Variants in DENND2C observed in about 807,000 individuals in gnomAD.
DENND2C encodes the protein DENN domain containing 2C.
Under a neutral mutation model 112.4 loss-of-function variants are expected in DENND2C, and 72 were observed. The ratio of observed to expected loss-of-function variants is 0.64; its 90% confidence interval spans 0.53 to 0.78. DENND2C has a LOEUF of 0.78. DENND2C is among the 30% of genes least tolerant of loss of function. The pLI is 0.00. For missense variants in DENND2C, 992 were observed against 1,113.8 expected, an observed-to-expected ratio of 0.89 and a Z score of 1.56; for synonymous variants, 329 against 381.6, an observed-to-expected ratio of 0.86 and a Z score of 1.61.
intron 1 of DENND2C, among the ~76,000 whole-genome samples, chr1:114,655,878 GTATAAATA>G (rs1219316720): frequency 1.0e-4 from 2 of 19,944 alleles, no homozygotes; most frequent in South Asian, 2.5e-3. Context: ...ATATATATAT[GTATAAATA>G]TATATATATA....
intron 3 of DENND2C, among the ~76,000 whole-genome samples, chr1:114,639,767 T>C (rs1167269482): frequency 6.6e-6 from 1 of 151,408 alleles, no homozygotes; most frequent in African/African-American, 2.4e-5. Flanking sequence ...TGGAGTGCAA[T>C]GGCTTGATCT....
chr1:114,583,835 A>AACACAC lies in DENND2C; in HGVS notation c.*1759_*1764dup, dbSNP rs138242785. 12 of 140,420 alleles carry AACACAC rather than the reference A, an allele frequency of 8.5e-5. No homozygotes were observed. Among genetic ancestry groups the AACACAC allele is most frequent in the South Asian group, 4.4e-4 (2 of 4,542 alleles). 8.7% of individuals were successfully genotyped at this position (140,420 alleles called of 1,614,324 possible). ...AAAAAAAAAAAAAAAACCGAAACAA[A>AACACAC]ACACACACACACACACATACACACA... On this transcript the variant is annotated 3_prime_UTR_variant, in exon 21 of 21. Transcript: ENST00000393274.
intron 3 of DENND2C, among the ~76,000 whole-genome samples, chr1:114,631,869 G>T (rs1218797845): frequency 1.3e-5 from 2 of 152,106 alleles, no homozygotes; most frequent in Non-Finnish European, 2.9e-5. Flanking sequence ...TTGGCAGACA[G>T]GGACTTCAAT....
At chr1:114,635,732 C>G (rs1320840181) in intron 3 of DENND2C, among the ~76,000 whole-genome samples, 1 of 152,058 alleles carries the variant, frequency 6.6e-6, no homozygotes, top group Non-Finnish European at 1.5e-5. Flanking sequence ...GTCCACTGGG[C>G]GCGATCACTC....
rs1232254073 is a variant in DENND2C at position 114,582,888 on chromosome 1, AAAC to A, written c.*2709_*2711del. 57 of 152,352 alleles carry A rather than the reference AAAC, an allele frequency of 3.7e-4. No homozygotes were observed. Among genetic ancestry groups the A allele is most frequent in the African/African-American group, 1.2e-3 (48 of 41,574 alleles). The allele number at this position is 152,352 out of a possible 1,614,324, so 9.4% of individuals were successfully genotyped here. ...TGTATTTATTCATTAAAAGATCTGT[AAAC>A]AACATTTTATACAAATCTTGATTCT... On this transcript the variant is annotated 3_prime_UTR_variant, in exon 21 of 21. Transcript: ENST00000393274.
chr1:114,666,658 T>A (rs1289366750), intron 1 of DENND2C, among the ~76,000 whole-genome samples: 2 of 152,170 alleles, frequency 1.3e-5, no homozygotes, highest in Non-Finnish European at 2.9e-5. Context: ...TTTCGCCATG[T>A]TGACCAGGAT....
At chr1:114,597,247 C>T (rs1655365740) in intron 16 of DENND2C, among the ~76,000 whole-genome samples, 1 of 151,762 alleles carries the variant, frequency 6.6e-6, no homozygotes, top group Non-Finnish European at 1.5e-5. Flanking sequence ...AGTTCAAGAC[C>T]AGCCTGGCCA....
chr1:114,591,064 G>C (rs1247068045), intron 18 of DENND2C, among the ~76,000 whole-genome samples: 1 of 151,746 alleles, frequency 6.6e-6, no homozygotes, highest in East Asian at 2.0e-4. Flanking sequence ...ATTCCTGGGC[G>C]CAAGTGATCC....
intron 3 of DENND2C, among the ~76,000 whole-genome samples, chr1:114,634,519 A>G (rs908614577): frequency 6.6e-6 from 1 of 152,134 alleles, no homozygotes; most frequent in African/African-American, 2.4e-5. Context: ...TGCATGAAAC[A>G]TTCACCAATA....
intron 2 of DENND2C, among the ~76,000 whole-genome samples, chr1:114,653,708 G>A (rs1454437425): frequency 6.6e-6 from 1 of 152,032 alleles, no homozygotes; most frequent in African/African-American, 2.4e-5. Context: ...CCTTTTAAGT[G>A]GTATTTGTTG....
chr1:114,634,854 C>T (rs896716011), intron 3 of DENND2C, among the ~76,000 whole-genome samples: 1 of 151,788 alleles, frequency 6.6e-6, no homozygotes, highest in Non-Finnish European at 1.5e-5. Flanking sequence ...ATGGCAAAAC[C>T]CTGCCTCTAT....
chr1:114,588,197 CT>C (rs1332465681), intron 18 of DENND2C, among the ~76,000 whole-genome samples: 1 of 152,190 alleles, frequency 6.6e-6, no homozygotes, highest in Non-Finnish European at 1.5e-5. Context: ...GCTTGCACAT[CT>C]GTTGATTTCA....
intron 1 of DENND2C, among the ~76,000 whole-genome samples, chr1:114,656,061 A>G (rs897021880): frequency 6.6e-5 from 10 of 151,828 alleles, no homozygotes; most frequent in African/African-American, 2.2e-4. Flanking sequence ...AAGCTGTTCT[A>G]AACAATTTTT....
chr1:114,642,910 G>A (rs773522995), intron 3 of DENND2C, among the ~76,000 whole-genome samples: 4 of 152,086 alleles, frequency 2.6e-5, no homozygotes, highest in Admixed American at 1.3e-4. Flanking sequence ...AAGTTTTTCC[G>A]TGAAAGCTTC....
rs369973195 is a variant in DENND2C at position 114,625,314 on chromosome 1, C to T, written c.671G>A (p.Gly224Asp). The change falls in exon 4 of 21, where the codon GGT (glycine) becomes GAT (aspartate). Residue 224 changes from glycine to aspartate, a missense_variant. This residue lies in a region of DENND2C where 470 missense variants were observed against 472.7 expected (regional missense o/e 0.99). Transcript: ENST00000393274. ...RRTFRYLSES[G>D]VTPYKERNCD... Reference sequence around the variant, plus strand: ...GTTTCTTTCTTTATACGGCGTAACACCAGATTCGGATAAATATCTGAATGT... The same window carrying T: ...GTTTCTTTCTTTATACGGCGTAACATCAGATTCGGATAAATATCTGAATGT... 12 of 1,614,030 alleles carry T rather than the reference C, an allele frequency of 7.4e-6. 1 individual carries two copies. The African/African-American group carries it at 1.2e-4, about 16-fold the overall frequency.
intron 14 of DENND2C, among the ~76,000 whole-genome samples, chr1:114,600,605 C>T (rs1449129581): frequency 6.6e-6 from 1 of 152,154 alleles, no homozygotes; most frequent in Non-Finnish European, 1.5e-5. Context: ...CAAAGGGACT[C>T]AGTCTATGTA....
At chr1:114,653,954 TGATCAA>T (rs1192379827) in intron 2 of DENND2C, among the ~76,000 whole-genome samples, 1 of 152,192 alleles carries the variant, frequency 6.6e-6, no homozygotes, top group Non-Finnish European at 1.5e-5. Flanking sequence ...AGTTGTAACA[TGATCAA>T]GATCTATTAA....
intron 3 of DENND2C, among the ~76,000 whole-genome samples, chr1:114,630,952 CTAGAG>C (rs1656472807): frequency 1.3e-5 from 2 of 152,272 alleles, no homozygotes; most frequent in Admixed American, 1.3e-4. Context: ...GAAATTAACC[CTAGAG>C]TAAAGACTAT....
intron 10 of DENND2C, among the ~76,000 whole-genome samples, chr1:114,608,433 T>C (rs1178533873): frequency 6.6e-6 from 1 of 152,238 alleles, no homozygotes; most frequent in Non-Finnish European, 1.5e-5. Context: ...TTTTGTAACT[T>C]GTTAAAGATT....
Sources: allele counts gnomAD v4.1 joint callset (sites outside exome capture counted in the v4.1 genomes callset), GRCh38; gene constraint gnomAD v4.1.1; regional missense constraint gnomAD v4.1.1; transcripts MANE v1.5; gene names NCBI Gene and HGNC (gene_info 2026-07-23, HGNC 2026-07-21).